Variants in PTGER3 observed in about 807,000 individuals in gnomAD.
PTGER3 encodes prostaglandin E2 receptor EP3 subtype.
A neutral mutation model predicts 34.7 loss-of-function variants in PTGER3; 22 were observed. That is an observed-to-expected ratio of 0.63 (90% CI 0.45 to 0.91). The LOEUF (loss-of-function observed/expected upper bound fraction) is 0.91. PTGER3 is among the 40% of genes least tolerant of loss of function. PTGER3 has a pLI of 0.00. For synonymous variants in PTGER3, 241 were observed against 230.1 expected (o/e 1.05, Z -0.43); for missense variants, 468 against 519.4 (o/e 0.90, Z 0.96).
At chr1:71,046,562 A>G (rs571872699) in intron 1 of PTGER3, 119 bp downstream of exon 1, 14 of 1,253,158 alleles carry the variant, frequency 1.1e-5, no homozygotes, top group Non-Finnish European at 1.5e-5. Flanking sequence ...GGAGGAAAGG[A>G]CACTTCAGCG....
intron 1 of PTGER3, among the ~76,000 whole-genome samples, chr1:71,033,068 A>G (rs1225565014): frequency 6.6e-6 from 1 of 152,172 alleles, no homozygotes; most frequent in East Asian, 1.9e-4. Flanking sequence ...CATCTATTAG[A>G]TCAAATTTAC....
chr1:70,915,552 G>T (rs1358960048), intron 4 of PTGER3, among the ~76,000 whole-genome samples: 1 of 151,954 alleles, frequency 6.6e-6, no homozygotes, highest in Non-Finnish European at 1.5e-5. Flanking sequence ...ACTGTCTTCT[G>T]CCAATTGGAT....
chr1:70,921,412 G>A (rs923611503), intron 4 of PTGER3, among the ~76,000 whole-genome samples: 8 of 152,078 alleles, frequency 5.3e-5, no homozygotes, highest in Admixed American at 3.9e-4. Context: ...CCTGTCGAAT[G>A]AATGGTAAAA....
At chr1:71,020,264 T>TA (rs3216532) in intron 1 of PTGER3, among the ~76,000 whole-genome samples, 50,338 of 151,922 alleles carry the variant, frequency 0.33, 9,055 homozygotes, top group South Asian at 0.45. Flanking sequence ...TCATAAACAT[T>TA]AAAAAAATTA....
At chr1:71,029,561 A>G (rs1466860082) in intron 1 of PTGER3, among the ~76,000 whole-genome samples, 1 of 152,182 alleles carries the variant, frequency 6.6e-6, no homozygotes, top group Non-Finnish European at 1.5e-5. Context: ...TCATTGCCAT[A>G]ATTATAACTG....
rs146587842 is a variant in PTGER3, at chr1:70,903,571, C to T, written c.*23+50192G>A. ...CTTAAGTTAATTCAAACTTCTATCT[C>T]TATCTCCCTGTTTTCACTACGAACC... On this transcript the variant is annotated intron_variant, in intron 4 of 4. Transcript: ENST00000370931. Among the ~76,000 whole-genome samples the T allele has an allele frequency of 2.5e-3, 382 of 152,284 alleles. 3 individuals are homozygous for T. Among genetic ancestry groups the T allele is most frequent in the African/African-American group, 8.2e-3 (342 of 41,566 alleles).
At chr1:70,895,715 G>T (rs1032685516) in intron 4 of PTGER3, among the ~76,000 whole-genome samples, 3 of 152,198 alleles carry the variant, frequency 2.0e-5, no homozygotes, top group African/African-American at 7.2e-5. Context: ...AAGGAATTTG[G>T]TCTGACATAA....
downstream of PTGER3, chr1:70,951,418 A>G (rs1008826775): frequency 6.6e-6 from 1 of 152,222 alleles, no homozygotes; most frequent in Admixed American, 6.5e-5. Flanking sequence ...ACACAGATGT[A>G]TTAAAAGAGC....
intron 2 of PTGER3, among the ~76,000 whole-genome samples, chr1:70,960,636 G>A (rs998201936): frequency 1.4e-4 from 21 of 152,166 alleles, no homozygotes; most frequent in Non-Finnish European, 1.2e-4. Flanking sequence ...TGAGAGCAAA[G>A]AAGCAAGAGG....
At chr1:71,008,685 T>C (rs1657181980) in intron 2 of PTGER3, 1 of 982,260 alleles carries the variant, frequency 1.0e-6, no homozygotes, top group Non-Finnish European at 1.2e-6. Context: ...TAGGCCACAG[T>C]TGCACAATTC....
chr1:71,040,559 G>A (rs565776084), intron 1 of PTGER3, among the ~76,000 whole-genome samples: 2 of 151,998 alleles, frequency 1.3e-5, no homozygotes, highest in Non-Finnish European at 2.9e-5. Context: ...CAGTGAGCCC[G>A]AGATCATGCC....
At chr1:70,922,249 C>T (rs903731649) in intron 4 of PTGER3, among the ~76,000 whole-genome samples, 2 of 152,138 alleles carry the variant, frequency 1.3e-5, no homozygotes, top group East Asian at 1.9e-4. Context: ...ATATAAGAAA[C>T]GATCTTCTAT....
At chr1:70,852,987 C>T (rs1645715835) in intron 4 of PTGER3, 3 of 1,072,536 alleles carry the variant, frequency 2.8e-6, no homozygotes, top group Non-Finnish European at 4.2e-6. Flanking sequence ...TCACTTACAG[C>T]AGTATAACAA....
rs556802652 is a variant in PTGER3 at position 70,867,130 on chromosome 1, G to C, written c.*24-14271C>G. 3.3e-5 allele frequency among the ~76,000 whole-genome samples: 5 copies of C among 152,194 alleles called. No individual in the cohort carries two copies. In the South Asian group the frequency reaches 1.0e-3, roughly 32 times the overall value. On this transcript the variant is annotated intron_variant, in intron 4 of 4. Transcript: ENST00000370931. The stretch of plus-strand genomic sequence containing the variant: ...ATAGACCACAGATGCCCCCACACTA[G>C]TGCTCTTAGCTTAGGCTGTTTCCTC...
downstream of PTGER3, among the ~76,000 whole-genome samples, chr1:70,967,460 T>A (rs1261603584): frequency 6.6e-6 from 1 of 152,098 alleles, no homozygotes; most frequent in Non-Finnish European, 1.5e-5. Context: ...TTGTACAAAT[T>A]ACCTTAAAGT....
At chr1:70,953,623 G>T in intron 3 of PTGER3, 1 of 1,244,184 alleles carries the variant, frequency 8.0e-7, no homozygotes, top group Non-Finnish European at 1.1e-6. Context: ...TTGTGACTGG[G>T]ATAGGTTCCT....
chr1:70,952,654 G>T (rs1287916332), exon 4 of PTGER3: 21 of 1,095,560 alleles, frequency 1.9e-5, no homozygotes, highest in Non-Finnish European at 2.2e-5. Context: ...CAGCAGTCTT[G>T]GCAATTCTGA....
At chr1:70,904,973 T>C (rs924418151) in intron 4 of PTGER3, among the ~76,000 whole-genome samples, 14 of 152,112 alleles carry the variant, frequency 9.2e-5, no homozygotes, top group Admixed American at 3.9e-4. Context: ...TTTCCTGGGT[T>C]GGGCCTAAGG....
intron 2 of PTGER3, among the ~76,000 whole-genome samples, chr1:70,996,639 T>TTTTTTTA (rs774610328): frequency 9.8e-5 from 12 of 122,748 alleles, no homozygotes; most frequent in African/African-American, 2.4e-4. Context: ...TTTTTTGTAT[T>TTTTTTTA]TTTATTTATT....
Sources: allele counts gnomAD v4.1 joint callset (sites outside exome capture counted in the v4.1 genomes callset), GRCh38; gene constraint gnomAD v4.1.1; transcripts MANE v1.5; gene names NCBI Gene and HGNC (gene_info 2026-07-23, HGNC 2026-07-21).